PPHLN1: variants seen among roughly 807,000 people sequenced by gnomAD.
PPHLN1 encodes periphilin 1.
PPHLN1 carries 29 observed loss-of-function variants against 51.3 expected under a neutral mutation model. That is an observed-to-expected ratio of 0.57 (90% CI 0.42 to 0.77). PPHLN1 has a LOEUF of 0.77. Ranked by LOEUF, PPHLN1 falls within the 30% of genes least tolerant of loss-of-function variation. The pLI is 0.00. For missense variants in PPHLN1, 436 were observed against 438.4 expected (o/e 0.99, Z 0.05); for synonymous variants, 147 against 147.8 (o/e 0.99, Z 0.04).
At chr12:42,423,758 A>G (rs1350128320) in intron 9 of PPHLN1, among the ~76,000 whole-genome samples, 2 of 151,392 alleles carry the variant, frequency 1.3e-5, no homozygotes, top group African/African-American at 2.4e-5. Context: ...ACTCACTGCA[A>G]CCTCTGCCTC....
intron 9 of PPHLN1, among the ~76,000 whole-genome samples, chr12:42,416,249 TCA>T (rs2139609581): frequency 6.6e-6 from 1 of 152,346 alleles, no homozygotes; most frequent in South Asian, 2.1e-4. Flanking sequence ...TGCATTGAAT[TCA>T]CAGAGTATGA....
downstream of PPHLN1, chr12:42,445,972 G>C: frequency 6.7e-7 from 1 of 1,500,348 alleles, no homozygotes; most frequent in Non-Finnish European, 8.9e-7. Flanking sequence ...CATCCCCTCA[G>C]GCCCTCTTTG....
intron 2 of PPHLN1, among the ~76,000 whole-genome samples, chr12:42,339,138 G>A (rs1403010080): frequency 6.6e-6 from 1 of 152,198 alleles, no homozygotes; most frequent in Non-Finnish European, 1.5e-5. Flanking sequence ...ATGCCTAAAG[G>A]TAAACCTTAC....
At position 42,351,885 on chromosome 12, in the gene PPHLN1, G is replaced by T; in HGVS notation, c.73G>T (p.Asp25Tyr). Residue 25 changes from aspartate to tyrosine, a missense_variant and splice_region_variant, in exon 3 of 10, where the codon GAT (aspartate) becomes TAT (tyrosine). By Grantham distance (160) the Asp-to-Tyr change is radical. Coordinates refer to ENST00000358314, the MANE Select transcript of PPHLN1 (RefSeq NM_201439.2). ...ERAPPRSHPSDGYNRLVNIVP... is the reference protein window; with the variant it reads ...ERAPPRSHPSYGYNRLVNIVP... ...ATATATTTCTTTTTGTCTGTTTTAG[G>T]ATGGCTACAATAGACTAGTTAATAT... 1.3e-6 allele frequency: 2 copies of T among 1,545,340 alleles called. No individual in the cohort carries two copies. Among genetic ancestry groups the T allele is most frequent in the South Asian group, 1.3e-5 (1 of 77,062 alleles).
At chr12:42,432,881 A>T (rs2082159312) in intron 9 of PPHLN1, among the ~76,000 whole-genome samples, 1 of 152,212 alleles carries the variant, frequency 6.6e-6, no homozygotes, top group Admixed American at 6.5e-5. Flanking sequence ...CATGTCACTC[A>T]AGATGTTTAC....
intron 2 of PPHLN1, among the ~76,000 whole-genome samples, chr12:42,350,534 A>G (rs1565789184): frequency 6.6e-6 from 1 of 151,920 alleles, no homozygotes; most frequent in Non-Finnish European, 1.5e-5. Context: ...GCGGCCAGGC[A>G]GAGACGCTCC....
Position 42,411,657 on chromosome 12 carries a change from C to T in PPHLN1, c.909+12663C>T, listed in dbSNP as rs1184179827. ...CGGTGGCTCATGCCTGTAATCCCAG[C>T]ACTTTGGGAGGCCGAGGCGGGTGGA... On this transcript the variant is annotated intron_variant, in intron 9 of 9. Transcript: ENST00000358314. Among the ~76,000 whole-genome samples, 11 of 152,120 alleles carry T rather than the reference C, an allele frequency of 7.2e-5. No homozygotes were observed. In the East Asian group the frequency reaches 1.9e-3, roughly 27 times the overall value.
In PPHLN1 at chr12:42,374,900, T is replaced by C. The variant is rs1354755518; in HGVS notation, c.337T>C (p.Ser113Pro). The change falls in exon 5 of 10, where the codon TCT becomes CCT. Residue 113 changes from serine to proline, a missense_variant. Ser to Pro is a moderately conservative substitution (Grantham distance 74, BLOSUM62 -1). Transcript: ENST00000358314. ...RDGFRRKSFY[S>P]SHYARERSPY... The stretch of plus-strand genomic sequence containing the variant: ...TGGCTTTAGAAGAAAAAGTTTCTAC[T>C]CTTCCCATTATGCGAGAGAGCGGTC... 4.3e-6 allele frequency: 7 copies of C among 1,612,888 alleles called. No homozygotes were observed. The highest frequency in any genetic ancestry group is 2.7e-5 in the African/African-American group (2 of 74,780).
intron 7 of PPHLN1, among the ~76,000 whole-genome samples, chr12:42,390,030 T>C (rs2077551128): frequency 6.6e-6 from 1 of 151,618 alleles, no homozygotes. Flanking sequence ...AGAAGTTCTC[T>C]TCACAGATAT....
intron 4 of PPHLN1, among the ~76,000 whole-genome samples, chr12:42,372,103 A>G (rs952770880): frequency 6.6e-6 from 1 of 152,156 alleles, no homozygotes; most frequent in African/African-American, 2.4e-5. Context: ...AGTGCTGTTC[A>G]TATGGTGGAC....
At chr12:42,417,643 A>G (rs2080513589) in intron 9 of PPHLN1, among the ~76,000 whole-genome samples, 1 of 152,170 alleles carries the variant, frequency 6.6e-6, no homozygotes, top group African/African-American at 2.4e-5. Context: ...TTGACCAAGT[A>G]AAAACACTTC....
At chr12:42,352,080 T>A in intron 3 of PPHLN1, 31 bp downstream of exon 3, 1 of 1,387,374 alleles carries the variant, frequency 7.2e-7, no homozygotes, top group East Asian at 2.7e-5. Context: ...TACTAATTGT[T>A]ATTTCTTATA....
At chr12:42,357,214 T>C (rs1296219280) in intron 4 of PPHLN1, among the ~76,000 whole-genome samples, 1 of 152,162 alleles carries the variant, frequency 6.6e-6, no homozygotes, top group African/African-American at 2.4e-5. Flanking sequence ...ATTAAGGTGG[T>C]AATTCAATTT....
chr12:42,344,708 A>AT (rs35335129), intron 2 of PPHLN1, among the ~76,000 whole-genome samples: 38,557 of 133,872 alleles, frequency 0.29, 6,686 homozygotes, highest in Non-Finnish European at 0.38. Context: ...AACAGTGTGG[A>AT]TTTTTTTTTT....
At chr12:42,425,038 TTATG>T (rs71435906) in intron 9 of PPHLN1, among the ~76,000 whole-genome samples, 2,874 of 136,916 alleles carry the variant, frequency 0.021, 26 homozygotes, top group African/African-American at 0.029. Context: ...TTATTTTATT[TTATG>T]TATGTATGTA....
chr12:42,383,233 T>G (rs2076907055), intron 5 of PPHLN1, among the ~76,000 whole-genome samples: 1 of 152,182 alleles, frequency 6.6e-6, no homozygotes, highest in South Asian at 2.1e-4. Context: ...AAGATAAGAT[T>G]TGTAGCATTT....
intron 4 of PPHLN1, among the ~76,000 whole-genome samples, chr12:42,369,819 G>A (rs2075627040): frequency 6.6e-6 from 1 of 152,132 alleles, no homozygotes; most frequent in Non-Finnish European, 1.5e-5. Context: ...CGTCAACTTT[G>A]AACGTCCTCA....
chr12:42,390,460 T>C (rs1767030381), intron 7 of PPHLN1, among the ~76,000 whole-genome samples: 1 of 152,216 alleles, frequency 6.6e-6, no homozygotes, highest in South Asian at 2.1e-4. Flanking sequence ...CTCTGAAATA[T>C]ACTGCTATCT....
intron 9 of PPHLN1, among the ~76,000 whole-genome samples, chr12:42,401,520 A>C (rs1354350663): frequency 1.5e-5 from 2 of 133,750 alleles, no homozygotes; most frequent in Non-Finnish European, 3.2e-5. Flanking sequence ...GGGAGGGGGG[A>C]GGGAGGACAG....
Sources: gnomAD v4.1 joint callset for allele counts (sites outside exome capture counted in the v4.1 genomes callset) on GRCh38, gnomAD v4.1.1 for gene constraint, MANE v1.5 for transcripts, NCBI Gene and HGNC (gene_info 2026-07-23, HGNC 2026-07-21) for gene names.